The following KDELR1 variants were observed in gnomAD, a reference collection of about 807,000 sequenced individuals.
KDELR1 encodes the protein ER lumen protein-retaining receptor 1.
Under a neutral mutation model 25.5 loss-of-function variants are expected in KDELR1, and 16 were observed. The observed-to-expected ratio is 0.63, with a 90% CI of 0.43 to 0.95. The LOEUF (loss-of-function observed/expected upper bound fraction) is 0.95. Among genes scored for constraint, KDELR1 ranks in the 40% least tolerant of loss-of-function variants. KDELR1 has a pLI of 0.00. For synonymous variants in KDELR1, 121 were observed against 115.0 expected (o/e 1.05, Z -0.33); for missense variants, 159 against 265.2 (o/e 0.60, Z 2.78).
intron 1 of KDELR1, chr19:48,390,793 G>A: frequency 6.2e-6 from 3 of 486,244 alleles, no homozygotes; most frequent in Non-Finnish European, 1.1e-5. Flanking sequence ...ACTCCAGCCC[G>A]AGGCTCCGTC....
At chr19:48,390,181 C>T in intron 2 of KDELR1, 1 of 399,482 alleles carries the variant, frequency 2.5e-6, no homozygotes, top group Non-Finnish European at 4.5e-6. Flanking sequence ...AAAGTCCAGG[C>T]CCCCGGCCCC....
At chr19:48,389,803 C>T in intron 2 of KDELR1, 92 bp from the exon 3 acceptor site, 2 of 1,395,026 alleles carry the variant, frequency 1.4e-6, no homozygotes, top group Non-Finnish European at 2.0e-6. Context: ...CCCTCAGACG[C>T]AGGAGTCCAG....
In KDELR1 at chr19:48,383,258, G is replaced by A. The variant is rs189397701; in HGVS notation, c.*35C>T. ...CTTCTGCCGCCTTCCTCTGCCTCCC[G>A]CTGCTGCCGAGGAGAGAGATGGAGA... is the stretch of plus-strand genomic sequence containing the variant. On this transcript the variant is annotated 3_prime_UTR_variant, in exon 5 of 5. Transcript: ENST00000330720. 332 of 1,549,210 alleles carry A rather than the reference G, an allele frequency of 2.1e-4. 3 individuals carry two copies. Among genetic ancestry groups the A allele is most frequent in the Middle Eastern group, 1.5e-3 (9 of 5,990 alleles).
Position 48,391,410 on chromosome 19 carries a change from G to A in KDELR1, c.-52C>T, listed in dbSNP as rs533952273. On this transcript the variant is annotated 5_prime_UTR_variant, in exon 1 of 5. Transcript: ENST00000330720. Reference sequence around the variant, plus strand: ...CGGGAGGGAGGCAGGCTGGCGGGGGGGTGCCCCCCGAGGCTGCTGGTCTGA... The same window carrying A: ...CGGGAGGGAGGCAGGCTGGCGGGGGAGTGCCCCCCGAGGCTGCTGGTCTGA... The A allele has an allele frequency of 1.9e-5, 28 of 1,455,516 alleles. No homozygotes were observed. In the South Asian group the frequency reaches 3.2e-4, roughly 16 times the overall value. The allele number at this position is 1,455,516 out of a possible 1,614,324, so 90.2% of individuals were successfully genotyped here. A position where few individuals can be genotyped will look rare whatever the true frequency, so the allele number is the denominator to read the frequency against.
chr19:48,389,801 C>T (rs570048566), intron 2 of KDELR1, 90 bp from the exon 3 acceptor site: 27 of 1,425,430 alleles, frequency 1.9e-5, no homozygotes, highest in Admixed American at 3.7e-5. Flanking sequence ...CTCCCTCAGA[C>T]GCAGGAGTCC....
chr19:48,396,514 C>T (rs1210140763), upstream of KDELR1, among the ~76,000 whole-genome samples: 1 of 149,160 alleles, frequency 6.7e-6, no homozygotes, highest in African/African-American at 2.5e-5. Flanking sequence ...GTGTTAACCC[C>T]GCGGGGGCCA....
chr19:48,390,160 C>T, intron 2 of KDELR1: 1 of 396,336 alleles, frequency 2.5e-6, no homozygotes. Context: ...TCCCTTCCTC[C>T]CTCAGACCCA....
chr19:48,393,972 C>G (rs1435910490), upstream of KDELR1, among the ~76,000 whole-genome samples: 5 of 151,866 alleles, frequency 3.3e-5, no homozygotes, highest in African/African-American at 1.2e-4. This position sits in a 1 kb window ranked among gnomAD's most constrained non-coding sequence, Gnocchi z 5.6. Context: ...CTGTCTGTAC[C>G]GACCCTGAGC....
chr19:48,387,687 G>GAAAAAAAA (rs957905797), intron 3 of KDELR1: 4 of 86,756 alleles, frequency 4.6e-5, no homozygotes, highest in East Asian at 4.1e-4. Flanking sequence ...TCTCAAAAAA[G>GAAAAAAAA]AAAAAAAAAA....
At chr19:48,383,865 C>A (rs10406961) in intron 4 of KDELR1, among the ~76,000 whole-genome samples, 32,324 of 151,946 alleles carry the variant, frequency 0.21, 3,510 homozygotes, top group Admixed American at 0.27. Flanking sequence ...GAAATGGAGG[C>A]CTTTGTCTAT....
At chr19:48,383,466 A>G (rs1360085486) in intron 4 of KDELR1, 139 bp from the exon 5 acceptor site, 4 of 718,560 alleles carry the variant, frequency 5.6e-6, no homozygotes, top group Non-Finnish European at 7.2e-6. Flanking sequence ...TCACAGATAC[A>G]TTCCTGGTTT....
chr19:48,385,951 C>A (rs1970492720), intron 3 of KDELR1, among the ~76,000 whole-genome samples: 1 of 152,094 alleles, frequency 6.6e-6, no homozygotes, highest in Non-Finnish European at 1.5e-5. Context: ...GACCTGCTCC[C>A]AGAATCATCC....
At chr19:48,397,385 G>A in the KDELR1 span, among the ~76,000 whole-genome samples, 6 of 151,076 alleles carry the variant, frequency 4.0e-5, no homozygotes, top group African/African-American at 1.5e-4. Context: ...CGCCTTCCCC[G>A]CCTTACTTTC....
rs548556102 is a variant in KDELR1 at position 48,385,435 on chromosome 19, C to T, written c.352-953G>A. On this transcript the variant is annotated intron_variant, in intron 3 of 4. Coordinates refer to ENST00000330720, the MANE Select transcript of KDELR1 (RefSeq NM_006801.3). ...CTGGGATCCTACTTCTTGTTCACCC[C>T]GTGGCCCTAGCACCTAGCACAGTTC... 7.2e-5 allele frequency among the ~76,000 whole-genome samples: 11 copies of T among 152,322 alleles called. No homozygotes were observed. The South Asian group carries it at 1.4e-3, about 20-fold the overall frequency.
At chr19:48,391,233 T>G in intron 1 of KDELR1, 35 bp downstream of exon 1, 1 of 1,537,082 alleles carries the variant, frequency 6.5e-7, no homozygotes. Context: ...CCGCCCGCAA[T>G]CTCTCTCCTT....
chr19:48,385,817 A>C (rs572799730), intron 3 of KDELR1, among the ~76,000 whole-genome samples: 2 of 152,298 alleles, frequency 1.3e-5, no homozygotes, highest in Non-Finnish European at 2.9e-5. Context: ...TTAGGGTGTT[A>C]ACTGGCCTGA....
At chr19:48,393,265 G>T (rs1339113292), upstream of KDELR1, among the ~76,000 whole-genome samples, 1 of 152,142 alleles carries the variant, frequency 6.6e-6, no homozygotes, top group Non-Finnish European at 1.5e-5. This position sits in a 1 kb window ranked among gnomAD's most constrained non-coding sequence, Gnocchi z 5.6. Flanking sequence ...TGGGACCAGG[G>T]TCGAGACCTG....
At chr19:48,387,138 C>T (rs1421038264) in intron 3 of KDELR1, among the ~76,000 whole-genome samples, 1 of 151,870 alleles carries the variant, frequency 6.6e-6, no homozygotes, top group African/African-American at 2.4e-5. Context: ...GCACTACCTC[C>T]CTCAGCCTCA....
upstream of KDELR1, chr19:48,394,831 C>G (rs558179661): frequency 4.1e-4 from 64 of 154,756 alleles, 1 homozygote; most frequent in South Asian, 7.7e-3. The surrounding 1 kb of genome is among the most constrained non-coding windows in gnomAD (Gnocchi z 5.1). Flanking sequence ...GGCCTGCCCC[C>G]CGACATCGGC....
Sources: allele counts gnomAD v4.1 joint callset (sites outside exome capture counted in the v4.1 genomes callset), GRCh38; gene constraint gnomAD v4.1.1; non-coding constraint Gnocchi (gnomAD v3.1); transcripts MANE v1.5; gene names NCBI Gene and HGNC (gene_info 2026-07-23, HGNC 2026-07-21).